The following PGAP4 variants were observed in gnomAD, a reference collection of about 807,000 sequenced individuals.
PGAP4 encodes the protein post-GPI attachment to proteins GalNAc transferase 4.
PGAP4 carries 12 observed loss-of-function variants against 28.2 expected under a neutral mutation model. The ratio of observed to expected loss-of-function variants is 0.42; its 90% CI spans 0.27 to 0.69. The LOEUF is 0.69. PGAP4 is among the 30% of genes least tolerant of loss of function. PGAP4 has a pLI of 0.22. For synonymous variants in PGAP4, 205 were observed against 211.8 expected (o/e 0.97, Z 0.28); for missense variants, 425 against 513.5 (o/e 0.83, Z 1.67).
Position 101,476,088 on chromosome 9 carries a change from T to G in PGAP4, c.1005A>C (p.Pro335=), listed in dbSNP as rs1251204963. 6.2e-7 allele frequency: 1 copy of G among 1,613,990 alleles called. No individual in the cohort carries two copies. Among genetic ancestry groups the G allele is most frequent in the South Asian group, 1.1e-5 (1 of 91,074 alleles). The change falls in exon 2 of 2, where the codon CCA becomes CCC. Residue 335 remains proline (P), a synonymous_variant. Transcript: ENST00000374848. This position sits in a 1 kb window ranked among gnomAD's most constrained non-coding sequence, Gnocchi z 7.0. The part of the protein sequence containing the change: ...SVVPASQCCT[P]AMLFPAPAAR... ...CCGCAGGTGCCGGGAAGAGCATGGC[T>G]GGGGTGCAACACTGAGAGGCAGGAA...
chr9:101,505,418 A>G (rs1245208770), intron 2 of PGAP4, among the ~76,000 whole-genome samples: 1 of 152,082 alleles, frequency 6.6e-6, no homozygotes, highest in East Asian at 1.9e-4. Context: ...GATTTATTGC[A>G]AAAAGCTAAT....
intron 2 of PGAP4, among the ~76,000 whole-genome samples, chr9:101,513,217 G>A (rs1489597403): frequency 1.3e-5 from 2 of 151,990 alleles, no homozygotes; most frequent in East Asian, 1.9e-4. Context: ...TTCATTGTCC[G>A]CAATGAAGTA....
In PGAP4 at chr9:101,476,958, T is replaced by C. The variant is rs200380045; in HGVS notation, c.135A>G (p.Arg45=). The C allele has an allele frequency of 2.5e-6, 4 of 1,613,924 alleles. No individual in the cohort carries two copies. The highest frequency in any genetic ancestry group is 3.4e-6 in the Non-Finnish European group (4 of 1,180,010). Residue 45 remains arginine (R), a synonymous_variant, in exon 2 of 2, where the codon CGA becomes CGG. Coordinates refer to ENST00000374848, the MANE Select transcript of PGAP4 (RefSeq NM_032342.3). This position sits in a 1 kb window ranked among gnomAD's most constrained non-coding sequence, Gnocchi z 7.0. The stretch of plus-strand genomic sequence containing the variant: ...GCAGATAGAAGTAAGAGTGTAGAAG[T>C]CGGTGACAGGCCAGGGGGGCCAGCA... ...FGLLAPLACH[R]LLHSYFYLRH...
At chr9:101,505,904 A>C (rs1826844474) in intron 2 of PGAP4, among the ~76,000 whole-genome samples, 1 of 152,162 alleles carries the variant, frequency 6.6e-6, no homozygotes, top group Non-Finnish European at 1.5e-5. Context: ...AATATTTTGA[A>C]AGGACCTTAG....
chr9:101,505,748 CT>C (rs1313721028), intron 2 of PGAP4, among the ~76,000 whole-genome samples: 1 of 152,070 alleles, frequency 6.6e-6, no homozygotes, highest in Non-Finnish European at 1.5e-5. Context: ...CTTTAGCATT[CT>C]GCCTTCTACA....
chr9:101,507,083 G>T (rs940024995), intron 2 of PGAP4, among the ~76,000 whole-genome samples: 4 of 152,104 alleles, frequency 2.6e-5, no homozygotes, highest in East Asian at 3.9e-4. Flanking sequence ...CTTTCACCTG[G>T]AATAATCAAT....
At chr9:101,503,349 AT>A (rs962642132) in intron 2 of PGAP4, among the ~76,000 whole-genome samples, 12 of 150,994 alleles carry the variant, frequency 7.9e-5, no homozygotes, top group African/African-American at 2.9e-4. Context: ...AAGGTTAACT[AT>A]TTTTTTTTCA....
In PGAP4 at chr9:101,476,160, G is replaced by A; in HGVS notation, c.933C>T (p.His311=). The change falls in exon 2 of 2, where the codon CAC becomes CAT. Residue 311 remains histidine, a synonymous_variant. Coordinates refer to ENST00000374848, the MANE Select transcript of PGAP4 (RefSeq NM_032342.3). The surrounding 1 kb of genome is among the most constrained non-coding windows in gnomAD (Gnocchi z 7.0). ...TCAGCCGCCGCAGTTCCAGGAAATA[G>A]TGCCGACCCACCAGCTCCACCAGAC... ...SMGLVELVGR[H]YFLELRRLSP... 6.2e-7 allele frequency: 1 copy of A among 1,614,176 alleles called. No individual in the cohort carries two copies. Among genetic ancestry groups the A allele is most frequent in the Admixed American group, 1.7e-5 (1 of 60,026 alleles).
intron 2 of PGAP4, among the ~76,000 whole-genome samples, chr9:101,500,833 A>G (rs1252203881): frequency 6.6e-6 from 1 of 152,060 alleles, no homozygotes; most frequent in Non-Finnish European, 1.5e-5. Context: ...TGATAGAAGT[A>G]AGGAAAAAGG....
intron 2 of PGAP4, among the ~76,000 whole-genome samples, chr9:101,509,121 G>A (rs948404652): frequency 5.9e-5 from 9 of 152,156 alleles, no homozygotes; most frequent in Middle Eastern, 3.2e-3. Flanking sequence ...CAAATGGGTC[G>A]TGTATCCATT....
chr9:101,480,230 A>G (rs1195936751), intron 1 of PGAP4, among the ~76,000 whole-genome samples: 3 of 152,092 alleles, frequency 2.0e-5, no homozygotes, highest in Non-Finnish European at 4.4e-5. Context: ...GATCCCCAAA[A>G]TCTCAGTGGC....
intron 2 of PGAP4, among the ~76,000 whole-genome samples, chr9:101,521,900 G>A (rs1826991396): frequency 6.6e-6 from 1 of 152,058 alleles, no homozygotes. Context: ...CAGAGGTTTT[G>A]ATAGATTGTG....
chr9:101,494,677 C>T, intron 2 of PGAP4, among the ~76,000 whole-genome samples: 1 of 151,498 alleles, frequency 6.6e-6, no homozygotes, highest in East Asian at 1.9e-4. Context: ...ATTGCTTTTC[C>T]ATGAAAAGCA....
chr9:101,477,115 T>C lies in PGAP4; in HGVS notation c.-23A>G, dbSNP rs1245317644. 6.5e-7 allele frequency: 1 copy of C among 1,530,122 alleles called. No homozygotes were observed. Among genetic ancestry groups the C allele is most frequent in the South Asian group, 1.3e-5 (1 of 76,340 alleles). 94.8% of individuals were successfully genotyped at this position (1,530,122 alleles called of 1,614,324 possible). On this transcript the variant is annotated 5_prime_UTR_variant, in exon 2 of 2. Transcript: ENST00000374848. ...CATGAGGTCAACTTTTGTTCATGTC[T>C]GGTCCCAAGAAAAAACCATCCTGGA... is the stretch of plus-strand genomic sequence containing the variant.
At chr9:101,494,213 G>A (rs1364379099) in intron 2 of PGAP4, among the ~76,000 whole-genome samples, 1 of 151,674 alleles carries the variant, frequency 6.6e-6, no homozygotes, top group Admixed American at 6.6e-5. Flanking sequence ...TTTAGTTAAA[G>A]CCTTGTTAAT....
At chr9:101,501,234 T>C (rs1826795382) in intron 2 of PGAP4, among the ~76,000 whole-genome samples, 1 of 152,082 alleles carries the variant, frequency 6.6e-6, no homozygotes. Flanking sequence ...TGATTCTTCT[T>C]TGCATTTCCC....
At chr9:101,505,276 GAGA>G (rs747975202) in intron 2 of PGAP4, among the ~76,000 whole-genome samples, 2 of 151,962 alleles carry the variant, frequency 1.3e-5, no homozygotes, top group Non-Finnish European at 1.5e-5. Context: ...ATTCCAAATG[GAGA>G]AGATTGTTCA....
chr9:101,477,256 A>G (rs1431318754), intron 1 of PGAP4, 87 bp from the exon 2 acceptor site: 5 of 1,016,888 alleles, frequency 4.9e-6, no homozygotes, highest in Non-Finnish European at 6.7e-6. Flanking sequence ...ACAAGAACTG[A>G]GCTCAGCACA....
chr9:101,509,396 T>C (rs780326197), intron 2 of PGAP4, among the ~76,000 whole-genome samples: 1 of 152,212 alleles, frequency 6.6e-6, no homozygotes, highest in Non-Finnish European at 1.5e-5. Flanking sequence ...TTGAATTTGT[T>C]GAGCAGGTTG....
Sources: allele counts gnomAD v4.1 joint callset (sites outside exome capture counted in the v4.1 genomes callset), GRCh38; gene constraint gnomAD v4.1.1; non-coding constraint Gnocchi (gnomAD v3.1); transcripts MANE v1.5; gene names NCBI Gene and HGNC (gene_info 2026-07-23, HGNC 2026-07-21).